TUSC3: variants seen among roughly 807,000 people sequenced by gnomAD.
The protein encoded by TUSC3 is dolichyl-diphosphooligosaccharide--protein glycosyltransferase subunit TUSC3.
In TUSC3, 45 loss-of-function variants were observed where a neutral mutation model predicts 44.8. The ratio of observed to expected loss-of-function variants is 1.00; its 90% CI spans 0.79 to 1.29. The LOEUF is 1.29. Among genes scored for constraint, TUSC3 ranks in the 50% most tolerant of loss-of-function variants. The probability of loss-of-function intolerance (pLI) is 0.00; values close to 1 mark genes in which losing one functional copy is unlikely to be tolerated. For missense variants in TUSC3, 519 were observed against 437.9 expected (o/e 1.19, Z -1.65); for synonymous variants, 212 against 152.9 (o/e 1.39, Z -2.85).
intron 8 of TUSC3, among the ~76,000 whole-genome samples, chr8:15,744,933 C>G (rs1811342084): frequency 6.6e-6 from 1 of 151,886 alleles, no homozygotes; most frequent in South Asian, 2.1e-4. Flanking sequence ...GGTGATTTTT[C>G]AACCTACACG....
the TUSC3 span, among the ~76,000 whole-genome samples, chr8:15,791,814 A>G: frequency 6.6e-6 from 1 of 152,158 alleles, no homozygotes. Context: ...TCTTCATAAA[A>G]TAAGTACACG....
intron 1 of TUSC3, among the ~76,000 whole-genome samples, chr8:15,472,114 A>C (rs1335106971): frequency 6.6e-6 from 1 of 152,206 alleles, no homozygotes; most frequent in Non-Finnish European, 1.5e-5. Context: ...TTTTAGGTAT[A>C]TTTTGTAATG....
At chr8:15,628,214 AT>A (rs1471945018) in intron 2 of TUSC3, among the ~76,000 whole-genome samples, 1 of 152,160 alleles carries the variant, frequency 6.6e-6, no homozygotes, top group Non-Finnish European at 1.5e-5. Context: ...TAATCATTAT[AT>A]TTTTATAACA....
rs10105483 is a variant in TUSC3, at chr8:15,532,209, C to G, written n.189+48726C>G. On this transcript the variant is annotated intron_variant and non_coding_transcript_variant, in intron 2 of 5. Transcript: ENST00000503191. ...TTGCTGTTTCTGTTCCTCTGCCTTT[C>G]TTTTTCTGGGACTTGGGAAATTTTA... Among the ~76,000 whole-genome samples the G allele has an allele frequency of 8.3e-3, 1,266 of 152,044 alleles. 16 individuals carry two copies. The highest frequency in any genetic ancestry group is 0.029 in the African/African-American group (1,205 of 41,458).
At chr8:15,550,178 C>T (rs570774048) in intron 1 of TUSC3, among the ~76,000 whole-genome samples, 3 of 151,814 alleles carry the variant, frequency 2.0e-5, no homozygotes, top group South Asian at 4.2e-4. Flanking sequence ...CTACCAGGCC[C>T]AGGGTGTGGC....
At chr8:15,837,471 T>G in the TUSC3 span, among the ~76,000 whole-genome samples, 2 of 152,164 alleles carry the variant, frequency 1.3e-5, no homozygotes, top group Non-Finnish European at 2.9e-5. Context: ...TTTTATTCTT[T>G]TAAATTCTTT....
At chr8:15,574,435 C>G (rs1803011933) in intron 1 of TUSC3, among the ~76,000 whole-genome samples, 1 of 152,130 alleles carries the variant, frequency 6.6e-6, no homozygotes, top group Non-Finnish European at 1.5e-5. Flanking sequence ...ATTCTGCTCT[C>G]ATTTATTCCC....
chr8:15,646,141 G>T (rs1157387241), intron 2 of TUSC3, among the ~76,000 whole-genome samples: 2 of 152,126 alleles, frequency 1.3e-5, no homozygotes, highest in Non-Finnish European at 2.9e-5. Flanking sequence ...AGCAAGCATT[G>T]TAAGTATAGT....
At chr8:15,437,986 T>C (rs866401808) in intron 1 of TUSC3, among the ~76,000 whole-genome samples, 1 of 152,220 alleles carries the variant, frequency 6.6e-6, no homozygotes, top group East Asian at 1.9e-4. Context: ...CAGACATTTG[T>C]TATAAGGTCT....
intron 2 of TUSC3, among the ~76,000 whole-genome samples, chr8:15,508,202 T>A (rs1451585639): frequency 6.6e-6 from 1 of 152,138 alleles, no homozygotes; most frequent in Non-Finnish European, 1.5e-5. Flanking sequence ...TTCACGCCAC[T>A]GCATTCTGGC....
intron 2 of TUSC3, among the ~76,000 whole-genome samples, chr8:15,489,043 G>A (rs111230346): frequency 6.6e-6 from 1 of 152,176 alleles, no homozygotes; most frequent in Non-Finnish European, 1.5e-5. Flanking sequence ...GACTTACTCT[G>A]AGTCAAATAT....
Position 15,506,664 on chromosome 8 carries a change from C to T in TUSC3, n.189+23181C>T, listed in dbSNP as rs189701751. On this transcript the variant is annotated intron_variant and non_coding_transcript_variant, in intron 2 of 5. Coordinates refer to the TUSC3 transcript ENST00000503191. ...AGGGGAAGTGCCTTTATAAAATCAT[C>T]GGATCTTGTGAGACTTATTCACTAT... Among the ~76,000 whole-genome samples, 31 of 152,234 alleles carry T rather than the reference C, an allele frequency of 2.0e-4. 1 individual carries two copies. Among genetic ancestry groups the T allele is most frequent in the East Asian group, 9.7e-4 (5 of 5,162 alleles).
At chr8:15,818,290 G>T in the TUSC3 span, among the ~76,000 whole-genome samples, 1 of 152,080 alleles carries the variant, frequency 6.6e-6, no homozygotes, top group Non-Finnish European at 1.5e-5. Context: ...ACCATGTAAA[G>T]ATTTCACATA....
intron 1 of TUSC3, among the ~76,000 whole-genome samples, chr8:15,420,992 T>C (rs1031250131): frequency 1.3e-5 from 2 of 152,194 alleles, no homozygotes; most frequent in Admixed American, 1.3e-4. Flanking sequence ...GTGACACTAA[T>C]TTTTTATCTC....
chr8:15,444,401 T>C (rs181827150), intron 1 of TUSC3, among the ~76,000 whole-genome samples: 1 of 151,446 alleles, frequency 6.6e-6, no homozygotes, highest in East Asian at 1.9e-4. Context: ...AGCCAAGGAG[T>C]GAGTCAGGGG....
At chr8:15,674,351 T>G (rs1415601302) in intron 6 of TUSC3, among the ~76,000 whole-genome samples, 1 of 152,074 alleles carries the variant, frequency 6.6e-6, no homozygotes, top group Non-Finnish European at 1.5e-5. Context: ...CGAATTCACA[T>G]AACTGAGTTT....
chr8:15,572,258 T>G (rs2129143602), intron 1 of TUSC3, among the ~76,000 whole-genome samples: 1 of 152,332 alleles, frequency 6.6e-6, no homozygotes, highest in South Asian at 2.1e-4. Flanking sequence ...CATAAACACT[T>G]GCTGCTTCAT....
At chr8:15,795,393 A>C in the TUSC3 span, among the ~76,000 whole-genome samples, 1 of 152,316 alleles carries the variant, frequency 6.6e-6, no homozygotes, top group East Asian at 1.9e-4. Flanking sequence ...CACTTCAGCT[A>C]AAATCAGGGA....
intron 2 of TUSC3, among the ~76,000 whole-genome samples, chr8:15,532,278 C>T (rs145431198): frequency 2.6e-5 from 4 of 152,158 alleles, no homozygotes; most frequent in African/African-American, 9.6e-5. Flanking sequence ...TATACATGAA[C>T]ACTGGGAATA....
Sources: gnomAD v4.1 joint callset for allele counts (sites outside exome capture counted in the v4.1 genomes callset) on GRCh38, gnomAD v4.1.1 for gene constraint, MANE v1.5 for transcripts, NCBI Gene and HGNC (gene_info 2026-07-23, HGNC 2026-07-21) for gene names.